Variants in SLFN5 observed in about 807,000 individuals in gnomAD.
SLFN5 encodes the protein schlafen family member 5.
Under a neutral mutation model 48.5 loss-of-function variants are expected in SLFN5, and 34 were observed. The ratio of observed to expected loss-of-function variants is 0.70; its 90% confidence interval spans 0.53 to 0.93. The LOEUF is 0.93. SLFN5 is among the 40% of genes least tolerant of loss of function. SLFN5 has a pLI of 0.00. For missense variants in SLFN5, 1,006 were observed against 1,071.3 expected (o/e 0.94, Z 0.85); for synonymous variants, 387 against 396.2 (o/e 0.98, Z 0.28).
intron 3 of SLFN5, 89 bp from the exon 4 acceptor site, chr17:35,264,094 C>T: frequency 7.0e-7 from 1 of 1,433,958 alleles, no homozygotes; most frequent in Non-Finnish European, 9.3e-7. Flanking sequence ...ATAGTAGAGT[C>T]CCAGTGTTGA....
chr17:35,253,940 C>T (rs949462010), intron 1 of SLFN5, among the ~76,000 whole-genome samples: 1 of 151,984 alleles, frequency 6.6e-6, no homozygotes, highest in Non-Finnish European at 1.5e-5. Flanking sequence ...TCAGGTGATC[C>T]GCCCACCTTG....
intron 3 of SLFN5, among the ~76,000 whole-genome samples, chr17:35,263,142 T>G (rs917605284): frequency 6.6e-6 from 1 of 152,136 alleles, no homozygotes; most frequent in African/African-American, 2.4e-5. Flanking sequence ...TTTATTTATT[T>G]TTTTTTGAGA....
In SLFN5 at chr17:35,264,608, AC is replaced by A. The variant is rs774689376; in HGVS notation, c.1570del (p.Gln524SerfsTer11). 11 of 1,613,834 alleles carry A rather than the reference AC, an allele frequency of 6.8e-6. No homozygotes were observed. The highest frequency in any genetic ancestry group is 2.7e-5 in the African/African-American group (2 of 74,842). On this transcript the variant is annotated frameshift_variant, in exon 4 of 5. Transcript: ENST00000299977. LOFTEE classifies it high-confidence loss of function. Reference protein sequence around the residue: ...QIYPESYNFMTPQHMEALLQS... With the variant: ...QIYPESYNFMXPQHMEALLQS... ...TTACCCTGAATCCTATAACTTCATG[AC>A]CCCCCAGCACATGGAAGCCCTGTTA...
At chr17:35,258,617 C>T in intron 1 of SLFN5, 34 bp from the exon 2 acceptor site, 1 of 1,526,898 alleles carries the variant, frequency 6.5e-7, no homozygotes, top group African/African-American at 1.4e-5. Flanking sequence ...CTATTCTTGT[C>T]CTGTTCTAAT....
rs948717605 is a variant in SLFN5 at position 35,254,308 on chromosome 17, C to T, written c.-40-4343C>T. 3.9e-5 allele frequency among the ~76,000 whole-genome samples: 6 copies of T among 152,256 alleles called. No individual in the cohort carries two copies. The East Asian group carries it at 5.8e-4, about 15-fold the overall frequency. The stretch of plus-strand genomic sequence containing the variant: ...TTGCATGGTCTTAGGCTCTGTCCAC[C>T]GAAGCCTGCTGCTCTGTTGTGCAGT... On this transcript the variant is annotated intron_variant, in intron 1 of 4. Coordinates refer to ENST00000299977, the MANE Select transcript of SLFN5 (RefSeq NM_144975.4).
Position 35,271,222 on chromosome 17 carries a change from A to G in SLFN5, c.*5334A>G, listed in dbSNP as rs1280727378. The G allele has an allele frequency of 6.6e-6, 1 of 152,204 alleles. No individual in the cohort carries two copies. The highest frequency in any genetic ancestry group is 2.4e-5 in the African/African-American group (1 of 41,450). The allele number at this position is 152,204 out of a possible 1,614,324, so 9.4% of individuals were successfully genotyped here. On this transcript the variant is annotated 3_prime_UTR_variant, in exon 5 of 5. Coordinates refer to ENST00000299977, the MANE Select transcript of SLFN5 (RefSeq NM_144975.4). The stretch of plus-strand genomic sequence containing the variant: ...AGTATTCATCTTCATACAGGGATGG[A>G]CTATAAGTGATTTTTAAAAAACTTC...
chr17:35,256,464 C>G (rs1268575193), intron 1 of SLFN5, among the ~76,000 whole-genome samples: 2 of 152,060 alleles, frequency 1.3e-5, no homozygotes, highest in East Asian at 3.8e-4. Flanking sequence ...CTATTTTGAA[C>G]AGCAATCCTT....
In SLFN5 at chr17:35,264,212, G is replaced by A. The variant is rs1567792322; in HGVS notation, c.1168G>A (p.Glu390Lys). The A allele has an allele frequency of 6.2e-7, 1 of 1,612,086 alleles. No homozygotes were observed. Reference sequence around the variant, plus strand: ...TTCAGACAGAGTGGTATATACTCCAGAAAGCCTCTACAAGGAACTCTTCTC... The same window carrying A: ...TTCAGACAGAGTGGTATATACTCCAAAAAGCCTCTACAAGGAACTCTTCTC... ...VFSDRVVYTP[E>K]SLYKELFSQH... Residue 390 changes from glutamate to lysine, a missense_variant, in exon 4 of 5, where the codon GAA (glutamate) becomes AAA (lysine). Physicochemically the swap from Glu to Lys is moderately conservative, Grantham distance 56. Transcript: ENST00000299977.
At chr17:35,262,377 C>T (rs1393248450) in intron 3 of SLFN5, among the ~76,000 whole-genome samples, 2 of 130,944 alleles carry the variant, frequency 1.5e-5, no homozygotes, top group African/African-American at 5.8e-5. Flanking sequence ...GAGACTCCAT[C>T]TCAAAAAAAA....
At chr17:35,262,828 T>C (rs1354122750) in intron 3 of SLFN5, among the ~76,000 whole-genome samples, 1 of 152,106 alleles carries the variant, frequency 6.6e-6, no homozygotes, top group Non-Finnish European at 1.5e-5. Context: ...CATACCATTG[T>C]ACCCCAGTTT....
In SLFN5 at chr17:35,271,536, A is replaced by G. The variant is rs1222787042; in HGVS notation, c.*5648A>G. 2 of 152,224 alleles carry G rather than the reference A, an allele frequency of 1.3e-5. No individual in the cohort carries two copies. The highest frequency in any genetic ancestry group is 2.9e-5 in the Non-Finnish European group (2 of 68,038). The allele number at this position is 152,224 out of a possible 1,614,324, so 9.4% of individuals were successfully genotyped here. The stretch of plus-strand genomic sequence containing the variant: ...TTAAGAATAACTGCAACAAGAAAAT[A>G]TAAGTTCTGCAACAATAAAACTATA... On this transcript the variant is annotated 3_prime_UTR_variant, in exon 5 of 5. Transcript: ENST00000299977.
Position 35,258,708 on chromosome 17 carries a change from T to A in SLFN5, c.18T>A (p.Asp6Glu), listed in dbSNP as rs200263264. The A allele has an allele frequency of 2.0e-5, 32 of 1,613,666 alleles. No individual in the cohort carries two copies. Among genetic ancestry groups the A allele is most frequent in the African/African-American group, 2.7e-5 (2 of 74,906 alleles). ...CTGAGAAGATGAGTCTTAGGATTGA[T>A]GTGGATACAAACTTTCCTGAGTGTG... MSLRI[D>E]VDTNFPECVV... Residue 6 changes from aspartate to glutamate, a missense_variant, in exon 2 of 5, where the codon GAT becomes GAA. Coordinates refer to ENST00000299977, the MANE Select transcript of SLFN5 (RefSeq NM_144975.4).
At chr17:35,248,590 T>C (rs909204799) in intron 1 of SLFN5, among the ~76,000 whole-genome samples, 1 of 151,958 alleles carries the variant, frequency 6.6e-6, no homozygotes, top group Non-Finnish European at 1.5e-5. Flanking sequence ...CTCACTTCTC[T>C]TCCCCCTTTT....
At chr17:35,263,668 C>A (rs1225472599) in intron 3 of SLFN5, among the ~76,000 whole-genome samples, 1 of 151,788 alleles carries the variant, frequency 6.6e-6, no homozygotes, top group African/African-American at 2.4e-5. Flanking sequence ...ACTAAAAATA[C>A]AAAAATTAGC....
At chr17:35,251,385 C>G (rs979574947) in intron 1 of SLFN5, among the ~76,000 whole-genome samples, 3 of 152,130 alleles carry the variant, frequency 2.0e-5, no homozygotes, top group African/African-American at 7.2e-5. Context: ...ACAAACATTA[C>G]TAATTTGGGG....
intron 3 of SLFN5, among the ~76,000 whole-genome samples, chr17:35,262,072 G>A (rs140322976): frequency 6.6e-6 from 1 of 151,784 alleles, no homozygotes; most frequent in South Asian, 2.1e-4. Context: ...TACCTGAGGT[G>A]TTCTTTAAGG....
chr17:35,257,712 A>AT (rs142456157), intron 1 of SLFN5, among the ~76,000 whole-genome samples: 3,775 of 151,210 alleles, frequency 0.025, 133 homozygotes, highest in African/African-American at 0.086. Context: ...TATATATATG[A>AT]TTTTTTTTTG....
rs1031158497 is a variant in SLFN5, at chr17:35,267,951, G to C, written c.*2063G>C. ...ACAGAAACTCCTGATTGTCCCCAGG[G>C]ACTCTCCGTGGACACAGGAGGGATT... On this transcript the variant is annotated 3_prime_UTR_variant, in exon 5 of 5. Transcript: ENST00000299977. 11 of 152,322 alleles carry C rather than the reference G, an allele frequency of 7.2e-5. No individual in the cohort carries two copies. Among genetic ancestry groups the C allele is most frequent in the African/African-American group, 2.6e-4 (11 of 41,560 alleles). The allele number at this position is 152,322 out of a possible 1,614,324, so 9.4% of individuals were successfully genotyped here. A position where few individuals can be genotyped will look rare whatever the true frequency, so the allele number is the denominator to read the frequency against.
In SLFN5 at chr17:35,271,858, C is replaced by A. The variant is rs113429922; in HGVS notation, c.*5970C>A. Reference sequence around the variant, plus strand: ...CAGCCTGGACAACATGGTGAAATCCCGTCTCTATTTAAAATGCAAGAAATT... The same window carrying A: ...CAGCCTGGACAACATGGTGAAATCCAGTCTCTATTTAAAATGCAAGAAATT... On this transcript the variant is annotated 3_prime_UTR_variant, in exon 5 of 5. Coordinates refer to ENST00000299977, the MANE Select transcript of SLFN5 (RefSeq NM_144975.4). 0.097 allele frequency: 14,802 copies of A among 152,058 alleles called. 806 individuals are homozygous for A. Among genetic ancestry groups the A allele is most frequent in the South Asian group, 0.13 (631 of 4,814 alleles). The allele number at this position is 152,058 out of a possible 1,614,324, so 9.4% of individuals were successfully genotyped here. A position where few individuals can be genotyped will look rare whatever the true frequency, so the allele number is the denominator to read the frequency against.
Sources: allele counts gnomAD v4.1 joint callset (sites outside exome capture counted in the v4.1 genomes callset), GRCh38; gene constraint gnomAD v4.1.1; transcripts MANE v1.5; gene names NCBI Gene and HGNC (gene_info 2026-07-23, HGNC 2026-07-21).